MLANA: variants seen among roughly 807,000 people sequenced by gnomAD.
The protein encoded by MLANA is melanoma antigen recognized by T-cells 1.
MLANA carries 21 observed loss-of-function variants against 15.7 expected under a neutral mutation model. The ratio of observed to expected loss-of-function variants is 1.33; its 90% CI spans 0.95 to 1.92. The LOEUF is 1.92. Among genes scored for constraint, MLANA ranks in the 40% most tolerant of loss-of-function variants. The pLI is 0.00. For synonymous variants in MLANA, 56 were observed against 51.5 expected (o/e 1.09, Z -0.37); for missense variants, 164 against 143.8 (o/e 1.14, Z -0.72).
chr9:5,900,764 G>C (rs971823445), intron 3 of MLANA, among the ~76,000 whole-genome samples: 2 of 152,202 alleles, frequency 1.3e-5, no homozygotes, highest in Non-Finnish European at 2.9e-5. Flanking sequence ...GCTTTTTGTA[G>C]CAACAGGAAG....
chr9:5,907,995 C>T (rs1832927110), intron 4 of MLANA, among the ~76,000 whole-genome samples: 1 of 152,016 alleles, frequency 6.6e-6, no homozygotes, highest in South Asian at 2.1e-4. Context: ...GTGGCTTGTA[C>T]CATATTTCTA....
chr9:5,907,179 A>C (rs1010508902), intron 4 of MLANA, 181 bp downstream of exon 4: 2 of 371,958 alleles, frequency 5.4e-6, no homozygotes, highest in African/African-American at 4.2e-5. Flanking sequence ...ATAAAAAATA[A>C]ATAATAATAA....
At position 5,894,709 on chromosome 9, in the gene MLANA, G is replaced by T. The variant is rs901616854; in HGVS notation, c.77+2158G>T. Among the ~76,000 whole-genome samples, 5 of 152,194 alleles carry T rather than the reference G, an allele frequency of 3.3e-5. No individual in the cohort carries two copies. The highest frequency in any genetic ancestry group is 1.2e-4 in the African/African-American group (5 of 41,438). ...ATGTGAGCATTGCTGGGGTGATCCT[G>T]ACAGGAGCCAGAAGCACACTGGAAG... is the stretch of plus-strand genomic sequence containing the variant. On this transcript the variant is annotated intron_variant, in intron 2 of 4. Transcript: ENST00000381477. The surrounding 1 kb of genome is among the most constrained non-coding windows in gnomAD (Gnocchi z 4.0).
chr9:5,894,879 G>A lies in MLANA; in HGVS notation c.77+2328G>A, dbSNP rs527835611. On this transcript the variant is annotated intron_variant, in intron 2 of 4. Transcript: ENST00000381477. The surrounding 1 kb of genome is among the most constrained non-coding windows in gnomAD (Gnocchi z 4.0). ...CATAGAAAGGTAGGTTTGGAGTTGA[G>A]GGACAATGGCTTAATAAAGGGCAAA... Among the ~76,000 whole-genome samples the A allele has an allele frequency of 2.7e-4, 41 of 152,292 alleles. No homozygotes were observed. Among genetic ancestry groups the A allele is most frequent in the African/African-American group, 9.6e-4 (40 of 41,568 alleles).
chr9:5,893,244 T>C (rs560965958), intron 2 of MLANA, among the ~76,000 whole-genome samples: 22 of 152,272 alleles, frequency 1.4e-4, no homozygotes, highest in African/African-American at 5.3e-4. Flanking sequence ...TGCAGGGACA[T>C]ACTCTGTATG....
Position 5,910,412 on chromosome 9 carries a change from C to T in MLANA, c.*1704C>T, listed in dbSNP as rs1289340818. 6.6e-6 allele frequency: 1 copy of T among 152,344 alleles called. No individual in the cohort carries two copies. The highest frequency in any genetic ancestry group is 1.5e-5 in the Non-Finnish European group (1 of 68,034). The allele number at this position is 152,344 out of a possible 1,614,324, so 9.4% of individuals were successfully genotyped here. Reference sequence around the variant, plus strand: ...AAAATATTTCCCCACTCTTCTGATACTGTCAAGTCTTACTACTTAAAATAA... The same window carrying T: ...AAAATATTTCCCCACTCTTCTGATATTGTCAAGTCTTACTACTTAAAATAA... On this transcript the variant is annotated 3_prime_UTR_variant, in exon 5 of 5. Transcript: ENST00000381477.
intron 3 of MLANA, among the ~76,000 whole-genome samples, chr9:5,906,342 A>G (rs1381239876): frequency 7.0e-6 from 1 of 143,560 alleles, no homozygotes; most frequent in East Asian, 2.0e-4. Context: ...AAAAAAAAAA[A>G]GAAAAGAAAA....
chr9:5,906,279 G>A (rs7038109), intron 3 of MLANA, among the ~76,000 whole-genome samples: 4 of 149,470 alleles, frequency 2.7e-5, no homozygotes, highest in East Asian at 1.9e-4. Context: ...GCAGTGAGCC[G>A]AGATCGTGCC....
rs961754095 is a variant in MLANA, at chr9:5,894,428, G to A, written c.77+1877G>A. ...CCCACAGAATGCTGCTTCTACCCCC[G>A]TGTCTGGGGTAACAAACGGAAGGGT... is the stretch of plus-strand genomic sequence containing the variant. On this transcript the variant is annotated intron_variant, in intron 2 of 4. Coordinates refer to ENST00000381477, the MANE Select transcript of MLANA (RefSeq NM_005511.2). The surrounding 1 kb of genome is among the most constrained non-coding windows in gnomAD (Gnocchi z 4.0). 6.6e-6 allele frequency among the ~76,000 whole-genome samples: 1 copy of A among 152,168 alleles called. No homozygotes were observed. Among genetic ancestry groups the A allele is most frequent in the Admixed American group, 6.5e-5 (1 of 15,272 alleles).
At chr9:5,896,645 T>C (rs1832041262) in intron 2 of MLANA, among the ~76,000 whole-genome samples, 1 of 152,246 alleles carries the variant, frequency 6.6e-6, no homozygotes, top group South Asian at 2.1e-4. Context: ...GAGTCAGTTC[T>C]GTCGATTTTG....
At chr9:5,896,039 A>C (rs1001854074) in intron 2 of MLANA, among the ~76,000 whole-genome samples, 1 of 152,208 alleles carries the variant, frequency 6.6e-6, no homozygotes, top group Non-Finnish European at 1.5e-5. Context: ...TCAGTTCAGG[A>C]AAGAGTGACT....
chr9:5,904,105 G>C (rs1219918954), intron 3 of MLANA, among the ~76,000 whole-genome samples: 1 of 152,106 alleles, frequency 6.6e-6, no homozygotes, highest in African/African-American at 2.4e-5. Context: ...CAATCCGCCT[G>C]CCTTGGTCTC....
chr9:5,907,855 A>G (rs1427455214), intron 4 of MLANA, among the ~76,000 whole-genome samples: 1 of 152,240 alleles, frequency 6.6e-6, no homozygotes, highest in Non-Finnish European at 1.5e-5. Context: ...TGGGACGCTG[A>G]GGCAGGAGAA....
rs1337706302 is a variant in MLANA, at chr9:5,894,253, C to T, written c.77+1702C>T. ...GGGGAACCTCATAGCCAGGTGTACCCACAACCTGAACAAGGTAACTTTCAG... is the reference window on the plus strand; with the variant it reads ...GGGGAACCTCATAGCCAGGTGTACCTACAACCTGAACAAGGTAACTTTCAG... On this transcript the variant is annotated intron_variant, in intron 2 of 4. Transcript: ENST00000381477. This position sits in a 1 kb window ranked among gnomAD's most constrained non-coding sequence, Gnocchi z 4.0. Among the ~76,000 whole-genome samples, 3 of 152,102 alleles carry T rather than the reference C, an allele frequency of 2.0e-5. No individual in the cohort carries two copies. The highest frequency in any genetic ancestry group is 4.4e-5 in the Non-Finnish European group (3 of 68,008).
intron 3 of MLANA, among the ~76,000 whole-genome samples, chr9:5,904,082 T>C (rs1385758586): frequency 6.6e-6 from 1 of 152,062 alleles, no homozygotes; most frequent in South Asian, 2.1e-4. Flanking sequence ...GGTCTTGAAC[T>C]CCTGAGCTCA....
chr9:5,904,340 T>C (rs932272437), intron 3 of MLANA, among the ~76,000 whole-genome samples: 1 of 152,208 alleles, frequency 6.6e-6, no homozygotes, highest in African/African-American at 2.4e-5. Flanking sequence ...ATCTACCATA[T>C]TGTTACTGTT....
In MLANA at chr9:5,909,874, A is replaced by G. The variant is rs140114971; in HGVS notation, c.*1166A>G. On this transcript the variant is annotated 3_prime_UTR_variant, in exon 5 of 5. Coordinates refer to ENST00000381477, the MANE Select transcript of MLANA (RefSeq NM_005511.2). ...CATTGCAATTTGTTTTCCTTTGGCT[A>G]CATCAACGTATCACCTACACTATTA... The G allele has an allele frequency of 1.3e-5, 2 of 152,222 alleles. No individual in the cohort carries two copies. The highest frequency in any genetic ancestry group is 4.8e-5 in the African/African-American group (2 of 41,456). 9.4% of individuals were successfully genotyped at this position (152,222 alleles called of 1,614,324 possible).
intron 2 of MLANA, among the ~76,000 whole-genome samples, chr9:5,896,343 T>A (rs981882066): frequency 3.3e-5 from 5 of 152,200 alleles, no homozygotes; most frequent in Non-Finnish European, 5.9e-5. Context: ...TTGATGAATC[T>A]TCATAGGTCT....
chr9:5,906,414 A>G (rs918926536), intron 3 of MLANA, among the ~76,000 whole-genome samples: 1 of 151,972 alleles, frequency 6.6e-6, no homozygotes, highest in African/African-American at 2.4e-5. Context: ...TTCTTCCTTT[A>G]TGTAGGTACA....
Sources: gnomAD v4.1 joint callset for allele counts (sites outside exome capture counted in the v4.1 genomes callset) on GRCh38, gnomAD v4.1.1 for gene constraint, Gnocchi (gnomAD v3.1) non-coding constraint, MANE v1.5 for transcripts, NCBI Gene and HGNC (gene_info 2026-07-23, HGNC 2026-07-21) for gene names.